ALK: variants seen among roughly 807,000 people sequenced by gnomAD.
ALK encodes the protein ALK receptor tyrosine kinase.
ALK carries 74 observed loss-of-function variants against 163.1 expected under a neutral mutation model. That is an observed-to-expected ratio of 0.45 (90% CI 0.38 to 0.55). ALK has a LOEUF of 0.55. ALK is among the 20% of genes least tolerant of loss of function. ALK has a pLI of 0.00. For missense variants in ALK, 2,063 were observed against 2,105.3 expected (o/e 0.98, Z 0.39); for synonymous variants, 960 against 843.2 (o/e 1.14, Z -2.40).
chr2:29,917,769 G>C (rs886644781), intron 1 of ALK, among the ~76,000 whole-genome samples: 1 of 152,230 alleles, frequency 6.6e-6, no homozygotes, highest in African/African-American at 2.4e-5. Flanking sequence ...GTCATGGGGA[G>C]CTCATCCAGT....
At chr2:29,673,092 A>G (rs1379556238) in intron 3 of ALK, among the ~76,000 whole-genome samples, 2 of 139,758 alleles carry the variant, frequency 1.4e-5, no homozygotes, top group African/African-American at 6.0e-5. Flanking sequence ...TTGTCAGATG[A>G]GTAGGTTGCA....
At chr2:29,484,777 C>A (rs989983395) in intron 4 of ALK, among the ~76,000 whole-genome samples, 2 of 152,082 alleles carry the variant, frequency 1.3e-5, no homozygotes, top group African/African-American at 4.8e-5. Context: ...TTTATTTGTA[C>A]GTTATTCCTT....
intron 23 of ALK, among the ~76,000 whole-genome samples, chr2:29,214,916 C>T (rs1220314414): frequency 1.3e-5 from 2 of 152,214 alleles, no homozygotes; most frequent in Non-Finnish European, 2.9e-5. Context: ...CACCCTCCCA[C>T]AGCACCCAGC....
At chr2:29,880,720 G>C (rs944881987) in intron 1 of ALK, among the ~76,000 whole-genome samples, 1 of 152,146 alleles carries the variant, frequency 6.6e-6, no homozygotes, top group Admixed American at 6.5e-5. Context: ...ATTTCTTCTA[G>C]TACCCATGCC....
At chr2:29,239,631 C>T (rs769350369) in intron 13 of ALK, 49 bp downstream of exon 13, 2 of 1,610,104 alleles carry the variant, frequency 1.2e-6, no homozygotes, top group East Asian at 2.2e-5. Context: ...AGAGGCCTTC[C>T]CGGGGCCTGA....
rs372037531 is a variant in ALK, at chr2:29,233,661, C to T, written c.2391G>A (p.Glu797=). ...NQLIQKVCIG[E]NNVIEEEIRV... is the part of the protein sequence containing the mutation. ...GGATTTCTTCTTCTATCACATTGTT[C>T]TCTCCAATGCAGACTTTCTGGATTA... The change falls in exon 14 of 29, where the codon GAG becomes GAA. Residue 797 remains glutamate, a synonymous_variant. Coordinates refer to ENST00000389048, the MANE Select transcript of ALK (RefSeq NM_004304.5). 7 of 1,614,238 alleles carry T rather than the reference C, an allele frequency of 4.3e-6. No homozygotes were observed. The highest frequency in any genetic ancestry group is 1.1e-5 in the South Asian group (1 of 91,086).
At chr2:29,207,615 G>A (rs532350659) in intron 25 of ALK, among the ~76,000 whole-genome samples, 1 of 152,226 alleles carries the variant, frequency 6.6e-6, no homozygotes, top group Non-Finnish European at 1.5e-5. Flanking sequence ...TAAGTATAGT[G>A]TGTTTCTGAT....
chr2:29,491,101 A>G (rs1012192788), intron 4 of ALK, among the ~76,000 whole-genome samples: 1 of 152,202 alleles, frequency 6.6e-6, no homozygotes, highest in African/African-American at 2.4e-5. Context: ...ATTAAGAACT[A>G]CGCTATAAGT....
At chr2:29,330,545 C>A (rs995921472) in intron 5 of ALK, among the ~76,000 whole-genome samples, 1 of 152,210 alleles carries the variant, frequency 6.6e-6, no homozygotes, top group South Asian at 2.1e-4. Context: ...AATGCCTGCA[C>A]ATTAGGTTAC....
chr2:29,604,619 C>T (rs765382448), intron 3 of ALK, among the ~76,000 whole-genome samples: 15 of 152,170 alleles, frequency 9.9e-5, no homozygotes, highest in Non-Finnish European at 1.9e-4. Flanking sequence ...TGAGAAAAGA[C>T]ATTTAAAAGA....
At chr2:29,317,060 T>C (rs369220537) in intron 8 of ALK, among the ~76,000 whole-genome samples, 1 of 152,238 alleles carries the variant, frequency 6.6e-6, no homozygotes, top group South Asian at 2.1e-4. Context: ...TGTGAGTTTT[T>C]ATTTTATGAG....
intron 5 of ALK, among the ~76,000 whole-genome samples, chr2:29,346,235 T>C (rs1460152138): frequency 8.5e-5 from 13 of 152,180 alleles, no homozygotes; most frequent in African/African-American, 2.7e-4. Flanking sequence ...ACTATCTCAT[T>C]AGTTTCTCTC....
chr2:29,216,738 G>GTTT (rs1462883761), intron 23 of ALK, among the ~76,000 whole-genome samples: 3 of 121,418 alleles, frequency 2.5e-5, no homozygotes, highest in Non-Finnish European at 5.7e-5. Context: ...ATGTGTTTGT[G>GTTT]TTTTGTGTAC....
intron 3 of ALK, among the ~76,000 whole-genome samples, chr2:29,649,315 G>T: frequency 6.6e-6 from 1 of 151,790 alleles, no homozygotes; most frequent in African/African-American, 2.4e-5. Flanking sequence ...TATTGACTCT[G>T]AGACCCTCAC....
chr2:29,276,664 C>T (rs529410714), intron 9 of ALK, among the ~76,000 whole-genome samples: 24 of 152,222 alleles, frequency 1.6e-4, no homozygotes, highest in South Asian at 4.1e-4. Context: ...AAAATGGACC[C>T]GGAGACGTGC....
chr2:29,605,818 G>A (rs996169202), intron 3 of ALK, among the ~76,000 whole-genome samples: 1 of 152,160 alleles, frequency 6.6e-6, no homozygotes, highest in African/African-American at 2.4e-5. Context: ...TCTGAATTGT[G>A]AGTGTTCCTT....
intron 3 of ALK, among the ~76,000 whole-genome samples, chr2:29,567,667 T>C (rs1242743276): frequency 1.3e-5 from 2 of 152,034 alleles, no homozygotes; most frequent in Non-Finnish European, 1.5e-5. Context: ...CCCGAAACCA[T>C]TCCCAAGGTG....
intron 5 of ALK, among the ~76,000 whole-genome samples, chr2:29,343,305 C>T (rs1035393667): frequency 1.3e-5 from 2 of 149,152 alleles, no homozygotes; most frequent in African/African-American, 2.5e-5. Flanking sequence ...GCCTCCTGGG[C>T]TCAAGTGATC....
intron 3 of ALK, among the ~76,000 whole-genome samples, chr2:29,591,062 C>A (rs1218120028): frequency 9.6e-6 from 1 of 103,644 alleles, no homozygotes. Context: ...CACAGCGAGA[C>A]TCCGTCTCAA....
Sources: allele counts gnomAD v4.1 joint callset (sites outside exome capture counted in the v4.1 genomes callset), GRCh38; gene constraint gnomAD v4.1.1; transcripts MANE v1.5; gene names NCBI Gene and HGNC (gene_info 2026-07-23, HGNC 2026-07-21).